Variants in H2AJ observed in about 807,000 individuals in gnomAD.
H2AJ encodes histone H2A.J.
Under a neutral mutation model 7.9 loss-of-function variants are expected in H2AJ, and 3 were observed. The ratio of observed to expected loss-of-function variants is 0.38; its 90% CI spans 0.17 to 0.98. The LOEUF is 0.98. Ranked by LOEUF, H2AJ falls within the 50% of genes least tolerant of loss-of-function variation. H2AJ has a pLI of 0.39. For synonymous variants in H2AJ, 98 were observed against 85.7 expected (o/e 1.14, Z -0.79); for missense variants, 128 against 174.4 (o/e 0.73, Z 1.50).
downstream of H2AJ, chr12:14,775,241 G>A: frequency 2.1e-6 from 1 of 484,070 alleles, no homozygotes; most frequent in Non-Finnish European, 4.2e-6. Flanking sequence ...GGGAGGCAGA[G>A]TCGGTGCGGT....
At chr12:14,776,096 C>G (rs986609766), downstream of H2AJ, 7 of 167,236 alleles carry the variant, frequency 4.2e-5, no homozygotes, top group African/African-American at 1.7e-4. Flanking sequence ...GATTTCACAT[C>G]TTTGGATTCA....
chr12:14,775,714 A>G (rs1179877356), downstream of H2AJ: 1 of 253,850 alleles, frequency 3.9e-6, no homozygotes, highest in Admixed American at 5.2e-5. Flanking sequence ...TCATCATATC[A>G]TATTCACTTT....
At chr12:14,775,047 T>G, downstream of H2AJ, 1 of 665,912 alleles carries the variant, frequency 1.5e-6, no homozygotes, top group South Asian at 2.1e-5. Context: ...AGCTGTGTAG[T>G]CGCGGGGACA....
downstream of H2AJ, chr12:14,775,198 G>C (rs891363609): frequency 2.1e-5 from 10 of 485,984 alleles, no homozygotes; most frequent in Non-Finnish European, 4.2e-5. Context: ...AGGTGGGCAG[G>C]GTGGAAGCCA....
In H2AJ at chr12:14,774,477, G is replaced by A; in HGVS notation, c.7G>A (p.Gly3Ser). The A allele has an allele frequency of 6.4e-7, 1 of 1,565,778 alleles. No individual in the cohort carries two copies. Among genetic ancestry groups the A allele is most frequent in the Non-Finnish European group, 8.6e-7 (1 of 1,157,648 alleles). MS[G>S]RGKQGGKVRA... Reference sequence around the variant, plus strand: ...TTGTAGGCGAGAGGTGATCATGTCCGGTCGCGGGAAACAGGGCGGCAAAGT... The same window carrying A: ...TTGTAGGCGAGAGGTGATCATGTCCAGTCGCGGGAAACAGGGCGGCAAAGT... Residue 3 changes from glycine (G) to serine (S), a missense_variant, in exon 1 of 1, where the codon GGT becomes AGT. By Grantham distance (56) the Gly-to-Ser change is moderately conservative. Coordinates refer to ENST00000544848, the MANE Select transcript of H2AJ (RefSeq NM_177925.5).
At chr12:14,775,656 C>CTA, downstream of H2AJ, 2 of 317,926 alleles carry the variant, frequency 6.3e-6, no homozygotes, top group Non-Finnish European at 1.3e-5. Flanking sequence ...TATGCTTGAG[C>CTA]TTTTAAAGTG....
At chr12:14,775,700 G>T, downstream of H2AJ, 1 of 290,560 alleles carries the variant, frequency 3.4e-6, no homozygotes, top group South Asian at 3.4e-5. Flanking sequence ...TAATGATCCT[G>T]TCTTCATCAT....
chr12:14,774,505 G>A lies in H2AJ; in HGVS notation c.35G>A (p.Arg12Gln), dbSNP rs201160699. The change falls in exon 1 of 1, where the codon CGA (arginine) becomes CAA (glutamine). Residue 12 changes from arginine (R) to glutamine (Q), a missense_variant. Physicochemically the swap from Arg to Gln is conservative, Grantham distance 43. Coordinates refer to ENST00000544848, the MANE Select transcript of H2AJ (RefSeq NM_177925.5). ...CGCGGGAAACAGGGCGGCAAAGTGC[G>A]AGCAAAGGCCAAATCCCGCTCCTCC... The part of the protein sequence containing the change: ...SGRGKQGGKV[R>Q]AKAKSRSSRA... 2.9e-4 allele frequency: 459 copies of A among 1,594,052 alleles called. No homozygotes were observed. The highest frequency in any genetic ancestry group is 3.6e-4 in the Non-Finnish European group (418 of 1,171,168).
downstream of H2AJ, chr12:14,775,249 G>T: frequency 2.1e-6 from 1 of 482,226 alleles, no homozygotes; most frequent in South Asian, 1.5e-5. Flanking sequence ...GAGTCGGTGC[G>T]GTGAGGCCTC....
rs750721727 is a variant in H2AJ, at chr12:14,774,462, G to C, written c.-9G>C. The C allele has an allele frequency of 1.9e-6, 3 of 1,555,216 alleles. No individual in the cohort carries two copies. The African/African-American group carries it at 4.1e-5, about 21-fold the overall frequency. On this transcript the variant is annotated 5_prime_UTR_variant, in exon 1 of 1. Coordinates refer to ENST00000544848, the MANE Select transcript of H2AJ (RefSeq NM_177925.5). ...TCTCCGTCTCTGGAGTTGTAGGCGA[G>C]AGGTGATCATGTCCGGTCGCGGGAA...
downstream of H2AJ, chr12:14,776,632 A>G (rs1249116619): frequency 1.2e-5 from 2 of 167,112 alleles, no homozygotes; most frequent in Non-Finnish European, 2.9e-5. Flanking sequence ...ATAAATGGAA[A>G]AAAGTACCAT....
In H2AJ at chr12:14,774,524, C is replaced by T. The variant is rs541471170; in HGVS notation, c.54C>T (p.Arg18=). 2.5e-6 allele frequency: 4 copies of T among 1,607,352 alleles called. No individual in the cohort carries two copies. The highest frequency in any genetic ancestry group is 2.2e-5 in the East Asian group (1 of 44,822). ...GGKVRAKAKS[R]SSRAGLQFPV... ...AAGTGCGAGCAAAGGCCAAATCCCG[C>T]TCCTCCCGCGCGGGCCTGCAGTTCC... Residue 18 remains arginine, a synonymous_variant, in exon 1 of 1, where the codon CGC becomes CGT. Coordinates refer to ENST00000544848, the MANE Select transcript of H2AJ (RefSeq NM_177925.5).
At chr12:14,775,663 A>C, downstream of H2AJ, 1 of 314,850 alleles carries the variant, frequency 3.2e-6, no homozygotes, top group Non-Finnish European at 6.6e-6. Flanking sequence ...GAGCTTTTAA[A>C]GTGATGTTGT....
rs1338048246 is a variant in H2AJ at position 14,774,841 on chromosome 12, AGAAGAC to A, written c.377_382del (p.Thr126_Lys127del). 5.6e-6 allele frequency: 9 copies of A among 1,614,070 alleles called. No homozygotes were observed. Among genetic ancestry groups the A allele is most frequent in the Non-Finnish European group, 7.6e-6 (9 of 1,180,018 alleles). ...CTGCTGCCCAAGAAGACGGAGAGTC[AGAAGAC>A]GAAGAGCAAATGACCCTGACGCCGC... On this transcript the variant is annotated inframe_deletion, in exon 1 of 1. Coordinates refer to ENST00000544848, the MANE Select transcript of H2AJ (RefSeq NM_177925.5).
chr12:14,775,078 G>C, downstream of H2AJ: 1 of 613,232 alleles, frequency 1.6e-6, no homozygotes, highest in East Asian at 3.0e-5. Context: ...CCCCAGGGGA[G>C]GGGGGCGACC....
At chr12:14,775,067 GC>G, downstream of H2AJ, 2 of 613,426 alleles carry the variant, frequency 3.3e-6, no homozygotes, top group Non-Finnish European at 5.6e-6. Flanking sequence ...ATGTCGGATG[GC>G]CCCAGGGGAG....
chr12:14,777,094 GTTTT>G (rs3838353), downstream of H2AJ: 1 of 161,364 alleles, frequency 6.2e-6, no homozygotes, highest in Admixed American at 6.7e-5. Context: ...GTTTTTGAGA[GTTTT>G]TTTTTTAACC....
downstream of H2AJ, chr12:14,776,746 C>G (rs952704856): frequency 1.2e-5 from 2 of 167,004 alleles, no homozygotes; most frequent in African/African-American, 4.8e-5. Flanking sequence ...CTCACAGTTA[C>G]CACTTGGGGT....
At chr12:14,776,032 T>C (rs1317501026), downstream of H2AJ, 1 of 167,158 alleles carries the variant, frequency 6.0e-6, no homozygotes, top group Non-Finnish European at 1.5e-5. Flanking sequence ...ATTTATTTCA[T>C]CCTCAGCAAA....
Sources: gnomAD v4.1 joint callset for allele counts on GRCh38, gnomAD v4.1.1 for gene constraint, MANE v1.5 for transcripts, NCBI Gene and HGNC (gene_info 2026-07-23, HGNC 2026-07-21) for gene names.